Variants in PCP4L1 observed in about 807,000 individuals in gnomAD.
PCP4L1 encodes Purkinje cell protein 4-like protein 1.
A neutral mutation model predicts 9.6 loss-of-function variants in PCP4L1; 9 were observed. The ratio of observed to expected loss-of-function variants is 0.94; its 90% confidence interval spans 0.57 to 1.64. The LOEUF is 1.64. Among genes scored for constraint, PCP4L1 ranks in the 40% most tolerant of loss-of-function variants. The pLI is 0.00. For synonymous variants in PCP4L1, 31 were observed against 28.2 expected, an observed-to-expected ratio of 1.10 and a Z score of -0.31; for missense variants, 81 against 80.8, an observed-to-expected ratio of 1.00 and a Z score of -0.01.
At chr1:161,274,929 C>T (rs1490344884) in intron 1 of PCP4L1, among the ~76,000 whole-genome samples, 4 of 152,110 alleles carry the variant, frequency 2.6e-5, no homozygotes, top group African/African-American at 9.7e-5. Context: ...TTGCAGCATC[C>T]TTTGCTGGTT....
At chr1:161,277,974 T>C (rs1409847654) in intron 1 of PCP4L1, among the ~76,000 whole-genome samples, 2 of 152,238 alleles carry the variant, frequency 1.3e-5, no homozygotes, top group African/African-American at 4.8e-5. Context: ...ATAAACTGTC[T>C]GTATTCTTAT....
At chr1:161,259,732 T>C (rs1371429093) in intron 1 of PCP4L1, among the ~76,000 whole-genome samples, 1 of 152,176 alleles carries the variant, frequency 6.6e-6, no homozygotes, top group Non-Finnish European at 1.5e-5. Flanking sequence ...CTATTGTCTA[T>C]TTGTAGGCAC....
chr1:161,266,588 T>A (rs1398121688), intron 1 of PCP4L1, among the ~76,000 whole-genome samples: 1 of 152,010 alleles, frequency 6.6e-6, no homozygotes, highest in Non-Finnish European at 1.5e-5. Context: ...GAAACAGGGA[T>A]GGGGTGGCTA....
intron 1 of PCP4L1, among the ~76,000 whole-genome samples, chr1:161,263,386 C>T (rs1372726326): frequency 3.3e-5 from 5 of 151,344 alleles, no homozygotes; most frequent in African/African-American, 1.2e-4. Context: ...TACAGGCACT[C>T]GCCACCACGC....
chr1:161,267,448 T>C (rs192586190), intron 1 of PCP4L1, among the ~76,000 whole-genome samples: 1 of 152,286 alleles, frequency 6.6e-6, no homozygotes, highest in African/African-American at 2.4e-5. Flanking sequence ...ATCTGGATAG[T>C]TTATCTTTTC....
intron 1 of PCP4L1, among the ~76,000 whole-genome samples, chr1:161,266,233 C>T (rs1284191991): frequency 2.0e-5 from 3 of 152,176 alleles, no homozygotes; most frequent in African/African-American, 7.2e-5. Flanking sequence ...TTGGTGCTGC[C>T]TCCCTCCCAC....
chr1:161,283,596 G>T (rs937287326), intron 1 of PCP4L1, 72 bp from the exon 2 acceptor site: 11 of 1,391,938 alleles, frequency 7.9e-6, no homozygotes, highest in Non-Finnish European at 1.1e-5. Flanking sequence ...TATATAAGAG[G>T]TCTAAGGTGA....
At chr1:161,262,837 G>T (rs1028912686) in intron 1 of PCP4L1, among the ~76,000 whole-genome samples, 4 of 152,160 alleles carry the variant, frequency 2.6e-5, no homozygotes, top group Non-Finnish European at 4.4e-5. Flanking sequence ...TCTCTTCAAG[G>T]TGGTGGTTCT....
At chr1:161,262,433 CAAAAAAAA>C (rs539872397) in intron 1 of PCP4L1, among the ~76,000 whole-genome samples, 3 of 63,142 alleles carry the variant, frequency 4.8e-5, no homozygotes, top group South Asian at 6.6e-4. Flanking sequence ...GACTCCATCT[CAAAAAAAA>C]AAAAAAAAAA....
chr1:161,277,743 C>T (rs551366634), intron 1 of PCP4L1, among the ~76,000 whole-genome samples: 3 of 152,236 alleles, frequency 2.0e-5, no homozygotes, highest in Admixed American at 1.3e-4. Flanking sequence ...CTGCCTCATC[C>T]TATATCTCAC....
intron 1 of PCP4L1, among the ~76,000 whole-genome samples, chr1:161,271,187 A>T (rs1669619634): frequency 6.6e-6 from 1 of 152,214 alleles, no homozygotes; most frequent in Non-Finnish European, 1.5e-5. Context: ...AACGTATGAG[A>T]GTTCCAGTTG....
chr1:161,282,061 G>C (rs543427969), intron 1 of PCP4L1, among the ~76,000 whole-genome samples: 2 of 152,210 alleles, frequency 1.3e-5, no homozygotes, highest in Non-Finnish European at 2.9e-5. Context: ...GTTGTAGCAA[G>C]CGGAGATCAT....
Position 161,284,599 on chromosome 1 carries a change from T to C in PCP4L1, c.*118T>C. ...CTTTCCTTGAGGCAAGTTCAACCTT[T>C]ATATACTCTTGTATCTGGCCCCCTC... On this transcript the variant is annotated 3_prime_UTR_variant, in exon 3 of 3. Transcript: ENST00000504449. The C allele has an allele frequency of 3.7e-6, 5 of 1,359,654 alleles. No individual in the cohort carries two copies. The highest frequency in any genetic ancestry group is 5.0e-6 in the Non-Finnish European group (5 of 1,001,584). 84.2% of individuals were successfully genotyped at this position (1,359,654 alleles called of 1,614,324 possible). A position where few individuals can be genotyped will look rare whatever the true frequency, so the allele number is the denominator to read the frequency against.
chr1:161,271,950 G>T (rs962826047), intron 1 of PCP4L1, among the ~76,000 whole-genome samples: 3 of 151,628 alleles, frequency 2.0e-5, no homozygotes, highest in African/African-American at 7.3e-5. Context: ...TGGGACTACA[G>T]GTGCATGTCA....
chr1:161,277,319 G>A (rs1669715728), intron 1 of PCP4L1, among the ~76,000 whole-genome samples: 1 of 152,148 alleles, frequency 6.6e-6, no homozygotes, highest in Non-Finnish European at 1.5e-5. Flanking sequence ...GACAATATTT[G>A]GTCTTATGGA....
intron 1 of PCP4L1, among the ~76,000 whole-genome samples, chr1:161,278,550 T>G (rs906283700): frequency 5.3e-5 from 8 of 151,484 alleles, no homozygotes; most frequent in Non-Finnish European, 1.2e-4. Flanking sequence ...ATTATAGGCA[T>G]GAGCCACCAC....
intron 1 of PCP4L1, among the ~76,000 whole-genome samples, chr1:161,278,492 C>T (rs767656326): frequency 2.0e-5 from 3 of 151,468 alleles, no homozygotes; most frequent in Non-Finnish European, 4.4e-5. Context: ...TGGTCATGAA[C>T]TCCTGGGCTC....
At chr1:161,273,526 C>T (rs998857045) in intron 1 of PCP4L1, among the ~76,000 whole-genome samples, 1 of 152,158 alleles carries the variant, frequency 6.6e-6, no homozygotes, top group African/African-American at 2.4e-5. Flanking sequence ...CTTGGAATAA[C>T]AGGCTTGAAT....
chr1:161,284,254 A>G (rs556102697), intron 2 of PCP4L1, 85 bp from the exon 3 acceptor site: 2 of 1,584,198 alleles, frequency 1.3e-6, no homozygotes, highest in South Asian at 1.1e-5. Context: ...CACAAGGTGG[A>G]CCTTACCCAC....
Sources: allele counts gnomAD v4.1 joint callset (sites outside exome capture counted in the v4.1 genomes callset), GRCh38; gene constraint gnomAD v4.1.1; transcripts MANE v1.5; gene names NCBI Gene and HGNC (gene_info 2026-07-23, HGNC 2026-07-21).